The following PCDHA1 variants were observed in gnomAD, a reference collection of about 807,000 sequenced individuals.
The protein encoded by PCDHA1 is protocadherin alpha-1.
PCDHA1 carries 42 observed loss-of-function variants against 61.3 expected under a neutral mutation model. The observed-to-expected ratio is 0.69, with a 90% CI of 0.54 to 0.89. The LOEUF is 0.89. Ranked by LOEUF, PCDHA1 falls within the 40% of genes least tolerant of loss-of-function variation. The pLI is 0.00. For synonymous variants in PCDHA1, 610 were observed against 553.8 expected (o/e 1.10, Z -1.43); for missense variants, 1,256 against 1,235.3 (o/e 1.02, Z -0.25).
At chr5:141,007,145 A>C (rs528280563) in intron 3 of PCDHA1, among the ~76,000 whole-genome samples, 1 of 152,330 alleles carries the variant, frequency 6.6e-6, no homozygotes, top group Admixed American at 6.5e-5. Context: ...CTGACAAAGG[A>C]AACTGTCAAA....
At chr5:141,003,689 A>G (rs2098134450) in intron 3 of PCDHA1, among the ~76,000 whole-genome samples, 3 of 152,228 alleles carry the variant, frequency 2.0e-5, no homozygotes, top group African/African-American at 7.2e-5. Flanking sequence ...ATTTTAAAAT[A>G]TATCCCTACC....
At chr5:140,862,820 G>A (rs782106101) in intron 1 of PCDHA1, 2 of 574,854 alleles carry the variant, frequency 3.5e-6, no homozygotes, top group Non-Finnish European at 6.7e-6. Context: ...TTCTAGGTGA[G>A]AGCGCGCGAC....
At chr5:140,796,657 CT>C (rs782155668) in intron 1 of PCDHA1, 38 of 1,613,878 alleles carry the variant, frequency 2.4e-5, no homozygotes, top group Non-Finnish European at 3.1e-5. Flanking sequence ...CGCGCCGGCA[CT>C]GTTGGCGCCT....
At chr5:140,956,701 G>A (rs549659732) in intron 1 of PCDHA1, among the ~76,000 whole-genome samples, 30 of 152,256 alleles carry the variant, frequency 2.0e-4, no homozygotes, top group Admixed American at 1.4e-3. Context: ...CCATTGTTTG[G>A]AATAGCTTCA....
intron 1 of PCDHA1, chr5:140,876,994 G>C (rs375771604): frequency 3.7e-6 from 6 of 1,612,620 alleles, no homozygotes; most frequent in South Asian, 1.1e-5. Context: ...GTCGAGCTAC[G>C]TGTCGGTGCA....
At chr5:140,943,063 C>T (rs1461337774) in intron 1 of PCDHA1, among the ~76,000 whole-genome samples, 1 of 151,748 alleles carries the variant, frequency 6.6e-6, no homozygotes, top group Admixed American at 6.6e-5. Context: ...TCAAGAACAG[C>T]CTGACCAACA....
chr5:140,992,857 CTCT>C (rs2097531206), intron 3 of PCDHA1, among the ~76,000 whole-genome samples: 2 of 152,148 alleles, frequency 1.3e-5, no homozygotes, highest in Non-Finnish European at 2.9e-5. Context: ...ACCAGTTTCA[CTCT>C]AGCTCCCTCC....
intron 1 of PCDHA1, among the ~76,000 whole-genome samples, chr5:140,845,265 T>C (rs1779776321): frequency 6.7e-6 from 1 of 149,658 alleles, no homozygotes; most frequent in African/African-American, 2.4e-5. Flanking sequence ...GTGTTTTCCT[T>C]TGTGAAAGTA....
chr5:140,955,701 A>G (rs1381358710), intron 1 of PCDHA1, among the ~76,000 whole-genome samples: 1 of 152,150 alleles, frequency 6.6e-6, no homozygotes, highest in Non-Finnish European at 1.5e-5. Context: ...ATGTCAATGG[A>G]AGTTTAATAG....
intron 1 of PCDHA1, chr5:140,862,649 C>A: frequency 3.7e-6 from 2 of 543,104 alleles, no homozygotes; most frequent in South Asian, 1.4e-5. Context: ...ACAGTGTCCG[C>A]GCGGGACCGG....
chr5:140,823,275 G>A lies in PCDHA1; in HGVS notation c.2394+34591G>A, dbSNP rs2150124243. The stretch of plus-strand genomic sequence containing the variant: ...CGCTGGTGGAGCGGCGGGTGGGCGA[G>A]CGCCCGCTGTCGAGTTACGTTTCGG... On this transcript the variant is annotated intron_variant, in intron 1 of 3. Coordinates refer to ENST00000504120, the MANE Select transcript of PCDHA1 (RefSeq NM_018900.4). 9.9e-6 allele frequency: 16 copies of A among 1,612,480 alleles called. No homozygotes were observed. The East Asian group carries it at 1.6e-4, about 16-fold the overall frequency.
chr5:140,969,257 A>G, intron 1 of PCDHA1: 1 of 1,614,220 alleles, frequency 6.2e-7, no homozygotes, highest in Non-Finnish European at 8.5e-7. Context: ...TGACAGCAGG[A>G]ATCTCACAGG....
At chr5:140,936,959 A>C (rs2091230080) in intron 1 of PCDHA1, among the ~76,000 whole-genome samples, 1 of 152,174 alleles carries the variant, frequency 6.6e-6, no homozygotes, top group Non-Finnish European at 1.5e-5. Flanking sequence ...TCTTTATTGA[A>C]TCTATAAAAA....
chr5:140,883,649 A>T, intron 1 of PCDHA1: 1 of 1,613,516 alleles, frequency 6.2e-7, no homozygotes, highest in South Asian at 1.1e-5. Context: ...GCCCGAGTAC[A>T]CGGTGTTCGT....
intron 1 of PCDHA1, chr5:140,823,399 C>T: frequency 6.2e-7 from 1 of 1,612,960 alleles, no homozygotes; most frequent in South Asian, 1.1e-5. Context: ...CGCGGGCGTG[C>T]CGCCTCTGGG....
chr5:140,989,240 C>T (rs1180879985), intron 3 of PCDHA1, among the ~76,000 whole-genome samples: 1 of 152,152 alleles, frequency 6.6e-6, no homozygotes, highest in Non-Finnish European at 1.5e-5. Flanking sequence ...AAGTTTTAAG[C>T]CCCTTGTCAA....
At chr5:140,796,972 G>A (rs1369166743) in intron 1 of PCDHA1, 3 of 1,613,714 alleles carry the variant, frequency 1.9e-6, no homozygotes, top group East Asian at 2.2e-5. Flanking sequence ...AGTGTCGTTG[G>A]TGGAAAGTGG....
intron 1 of PCDHA1, chr5:140,808,437 G>T (rs781860086): frequency 1.2e-6 from 2 of 1,614,178 alleles, no homozygotes; most frequent in Non-Finnish European, 8.5e-7. Context: ...GACCGCGAGA[G>T]CGTGTCAGCC....
intron 1 of PCDHA1, chr5:140,869,752 G>C (rs1398153775): frequency 1.4e-5 from 22 of 1,613,136 alleles, no homozygotes; most frequent in Middle Eastern, 1.6e-4. Context: ...AGCTACAGAC[G>C]GGGGAAAACC....
Sources: gnomAD v4.1 joint callset for allele counts (sites outside exome capture counted in the v4.1 genomes callset) on GRCh38, gnomAD v4.1.1 for gene constraint, MANE v1.5 for transcripts, NCBI Gene and HGNC (gene_info 2026-07-23, HGNC 2026-07-21) for gene names.